PTPRD: variants seen among roughly 807,000 people sequenced by gnomAD.
PTPRD encodes the protein receptor-type tyrosine-protein phosphatase delta.
In PTPRD, 34 loss-of-function variants were observed where a neutral mutation model predicts 214.5. The observed-to-expected ratio is 0.16, with a 90% CI of 0.12 to 0.21. The LOEUF is 0.21. PTPRD is among the 10% of genes least tolerant of loss of function. The pLI is 1.00. For synonymous variants in PTPRD, 1,128 were observed against 845.7 expected (o/e 1.33, Z -5.79); for missense variants, 2,545 against 2,398.7 (o/e 1.06, Z -1.27).
intron 3 of PTPRD, among the ~76,000 whole-genome samples, chr9:10,160,931 A>G (rs577861992): frequency 6.6e-6 from 1 of 152,062 alleles, no homozygotes; most frequent in East Asian, 1.9e-4. Context: ...TTCAGTTAAC[A>G]ATATGAAATA....
In PTPRD at chr9:9,898,962, G is replaced by A. The variant is rs78081320; in HGVS notation, c.-368+39545C>T. Among the ~76,000 whole-genome samples, 29 of 152,070 alleles carry A rather than the reference G, an allele frequency of 1.9e-4. No individual in the cohort carries two copies. The East Asian group carries it at 5.0e-3, about 26-fold the overall frequency. On this transcript the variant is annotated intron_variant, in intron 5 of 45. Transcript: ENST00000381196. ...AAAAACAAAGCTGTCTTTATTCATG[G>A]ATTCATGATTATCTACATAACAAAT...
chr9:9,476,045 G>C lies in PTPRD; in HGVS notation c.-236-78563C>G, dbSNP rs1277641738. Among the ~76,000 whole-genome samples the C allele has an allele frequency of 3.9e-5, 6 of 152,092 alleles. No individual in the cohort carries two copies. The South Asian group carries it at 1.2e-3, about 32-fold the overall frequency. Reference sequence around the variant, plus strand: ...CATTATATCTACTGATATATTAAAAGGGCCATTTATGAATATGAGAATTGA... The same window carrying C: ...CATTATATCTACTGATATATTAAAACGGCCATTTATGAATATGAGAATTGA... On this transcript the variant is annotated intron_variant, in intron 8 of 45. Coordinates refer to ENST00000381196, the MANE Select transcript of PTPRD (RefSeq NM_002839.4).
chr9:9,655,729 G>T (rs141064242), intron 7 of PTPRD, among the ~76,000 whole-genome samples: 37 of 150,686 alleles, frequency 2.5e-4, no homozygotes, highest in African/African-American at 9.0e-4. Context: ...TGTAATCCCC[G>T]CACTTTGGGA....
At chr9:9,768,349 CTA>C (rs2098723431) in intron 5 of PTPRD, among the ~76,000 whole-genome samples, 1 of 152,068 alleles carries the variant, frequency 6.6e-6, no homozygotes, top group African/African-American at 2.4e-5. Context: ...GCTATTAAAA[CTA>C]TTAACATTTG....
chr9:10,136,088 T>C (rs1281314440), intron 3 of PTPRD, among the ~76,000 whole-genome samples: 1 of 151,804 alleles, frequency 6.6e-6, no homozygotes, highest in Non-Finnish European at 1.5e-5. Flanking sequence ...TCGATATTCT[T>C]ATACTAGATA....
At chr9:9,946,943 G>A (rs1440912789) in intron 4 of PTPRD, among the ~76,000 whole-genome samples, 6 of 151,838 alleles carry the variant, frequency 4.0e-5, no homozygotes, top group African/African-American at 1.5e-4. Context: ...ATGACAGAAT[G>A]AATAACGATT....
rs142812431 is a variant in PTPRD at position 9,753,245 on chromosome 9, T to C, written c.-326+13565A>G. Among the ~76,000 whole-genome samples the C allele has an allele frequency of 6.3e-3, 959 of 152,158 alleles. 9 individuals carry two copies. Among genetic ancestry groups the C allele is most frequent in the Middle Eastern group, 0.024 (7 of 294 alleles). On this transcript the variant is annotated intron_variant, in intron 6 of 45. Coordinates refer to ENST00000381196, the MANE Select transcript of PTPRD (RefSeq NM_002839.4). Reference sequence around the variant, plus strand: ...ATCTATTCCAGAAAGAATCATTCAGTTTCATTTTGTAGCTTCATAGCCCAG... The same window carrying C: ...ATCTATTCCAGAAAGAATCATTCAGCTTCATTTTGTAGCTTCATAGCCCAG...
intron 14 of PTPRD, among the ~76,000 whole-genome samples, chr9:8,561,386 A>G (rs2141273198): frequency 6.6e-6 from 1 of 152,290 alleles, no homozygotes; most frequent in South Asian, 2.1e-4. Context: ...ATTGTTCAAT[A>G]AAATTCTTCT....
At chr9:9,299,814 T>C (rs563767021) in intron 9 of PTPRD, among the ~76,000 whole-genome samples, 3 of 151,540 alleles carry the variant, frequency 2.0e-5, no homozygotes, top group South Asian at 4.2e-4. Flanking sequence ...AAGACACATA[T>C]GTGGGATGAG....
intron 2 of PTPRD, among the ~76,000 whole-genome samples, chr9:10,561,947 GC>G (rs2064088168): frequency 6.6e-6 from 1 of 152,098 alleles, no homozygotes; most frequent in Admixed American, 6.6e-5. Flanking sequence ...GCCACAGAAT[GC>G]CTTTAATTGT....
intron 18 of PTPRD, among the ~76,000 whole-genome samples, chr9:8,524,356 A>C (rs1007938990): frequency 6.6e-6 from 1 of 152,232 alleles, no homozygotes; most frequent in Non-Finnish European, 1.5e-5. Flanking sequence ...ACATATATGA[A>C]TACACATGTA....
chr9:9,423,161 T>C lies in PTPRD; in HGVS notation c.-236-25679A>G, dbSNP rs10122028. On this transcript the variant is annotated intron_variant, in intron 8 of 45. Coordinates refer to ENST00000381196, the MANE Select transcript of PTPRD (RefSeq NM_002839.4). ...GAATCTTCTCTGTAGCTTCTACAGTTTTTCACACAATGTCCAGTATATGAA... is the reference window on the plus strand; with the variant it reads ...GAATCTTCTCTGTAGCTTCTACAGTCTTTCACACAATGTCCAGTATATGAA... 2.1e-3 allele frequency among the ~76,000 whole-genome samples: 319 copies of C among 152,314 alleles called. 1 individual carries two copies. Among genetic ancestry groups the C allele is most frequent in the African/African-American group, 7.0e-3 (289 of 41,574 alleles).
intron 2 of PTPRD, among the ~76,000 whole-genome samples, chr9:10,549,781 C>G (rs146331777): frequency 6.6e-6 from 1 of 152,218 alleles, no homozygotes; most frequent in East Asian, 1.9e-4. Flanking sequence ...GAGTATTCCA[C>G]TGTACTTCCA....
chr9:10,119,377 T>G (rs1563934470), intron 3 of PTPRD, among the ~76,000 whole-genome samples: 1 of 152,042 alleles, frequency 6.6e-6, no homozygotes, highest in East Asian at 1.9e-4. Context: ...ACTGGATTGA[T>G]CACATCTGTT....
At chr9:9,286,294 G>C (rs1246542458) in intron 9 of PTPRD, among the ~76,000 whole-genome samples, 3 of 151,650 alleles carry the variant, frequency 2.0e-5, no homozygotes, top group Admixed American at 6.6e-5. Context: ...AATTTTACTT[G>C]CTTTTGTTAT....
chr9:9,555,317 C>A (rs1180003847), intron 8 of PTPRD, among the ~76,000 whole-genome samples: 1 of 151,994 alleles, frequency 6.6e-6, no homozygotes, highest in Non-Finnish European at 1.5e-5. Flanking sequence ...ATGTTCCCCC[C>A]ATAATTATTG....
chr9:9,464,024 T>C lies in PTPRD; in HGVS notation c.-236-66542A>G, dbSNP rs113471794. On this transcript the variant is annotated intron_variant, in intron 8 of 45. Coordinates refer to ENST00000381196, the MANE Select transcript of PTPRD (RefSeq NM_002839.4). ...TTCTTTCCACTCCCTAATTCCTGTT[T>C]TCTCAAACATGGTTACATTTATTCC... 4.3e-3 allele frequency among the ~76,000 whole-genome samples: 655 copies of C among 152,310 alleles called. 3 individuals are homozygous for C. The highest frequency in any genetic ancestry group is 0.014 in the African/African-American group (597 of 41,566).
chr9:9,851,943 T>A (rs1264338681), intron 5 of PTPRD, among the ~76,000 whole-genome samples: 1 of 152,206 alleles, frequency 6.6e-6, no homozygotes, highest in Admixed American at 6.5e-5. Context: ...TTATATTCAC[T>A]GAAAATGTTA....
intron 8 of PTPRD, among the ~76,000 whole-genome samples, chr9:9,565,727 T>C (rs1427907842): frequency 6.6e-6 from 1 of 151,996 alleles, no homozygotes; most frequent in East Asian, 1.9e-4. Flanking sequence ...TTATTATTCA[T>C]TTTTTGTGCA....
Sources: allele counts gnomAD v4.1 joint callset (sites outside exome capture counted in the v4.1 genomes callset), GRCh38; gene constraint gnomAD v4.1.1; transcripts MANE v1.5; gene names NCBI Gene and HGNC (gene_info 2026-07-23, HGNC 2026-07-21).